Variants in SLC25A37 observed in about 807,000 individuals in gnomAD.
SLC25A37 encodes solute carrier family 25 member 37, also known as mitoferrin-1.
A neutral mutation model predicts 31.0 loss-of-function variants in SLC25A37; 17 were observed. The observed-to-expected ratio is 0.55, with a 90% confidence interval of 0.38 to 0.82. SLC25A37 has a LOEUF of 0.82. Ranked by LOEUF, SLC25A37 falls within the 40% of genes least tolerant of loss-of-function variation. The pLI is 0.00. For synonymous variants in SLC25A37, 222 were observed against 193.0 expected (o/e 1.15, Z -1.24); for missense variants, 404 against 465.8 (o/e 0.87, Z 1.22).
In SLC25A37 at chr8:23,529,345, G is replaced by A. The variant is rs1801614473; in HGVS notation, c.210+133G>A. The A allele has an allele frequency of 8.6e-6, 7 of 816,942 alleles. No homozygotes were observed. The highest frequency in any genetic ancestry group is 3.4e-5 in the East Asian group (1 of 29,432). 50.6% of individuals were successfully genotyped at this position (816,942 alleles called of 1,614,324 possible). On this transcript the variant is annotated intron_variant, in intron 1 of 3. Transcript: ENST00000519973. The surrounding 1 kb of genome is among the most constrained non-coding windows in gnomAD (Gnocchi z 4.1). ...CTCCCCAGGACCGCGGCTGGCCGGG[G>A]TCGCCCCAGGAGCAGCTGCGCGCAG...
At chr8:23,569,651 C>T (rs1006909909) in intron 3 of SLC25A37, among the ~76,000 whole-genome samples, 3 of 152,216 alleles carry the variant, frequency 2.0e-5, no homozygotes, top group African/African-American at 4.8e-5. Flanking sequence ...TTGTTTTAGC[C>T]ATCTCTTTCC....
In SLC25A37 at chr8:23,563,122, T is replaced by C. The variant is rs140054876; in HGVS notation, c.211-2986T>C. ...GTATTCTCTTGGTTCAGATACCTTC[T>C]TGGTTGGCACATTCACTTTCTCGTC... On this transcript the variant is annotated intron_variant, in intron 1 of 3. Coordinates refer to ENST00000519973, the MANE Select transcript of SLC25A37 (RefSeq NM_016612.4). Among the ~76,000 whole-genome samples, 613 of 152,358 alleles carry C rather than the reference T, an allele frequency of 4.0e-3. 5 individuals are homozygous for C. The highest frequency in any genetic ancestry group is 0.014 in the African/African-American group (584 of 41,584).
At chr8:23,571,219 G>T in intron 3 of SLC25A37, 116 bp from the exon 4 acceptor site, 1 of 1,282,026 alleles carries the variant, frequency 7.8e-7, no homozygotes, top group Non-Finnish European at 1.0e-6. Context: ...TGTTTCCGGT[G>T]TCTAACTGGC....
intron 1 of SLC25A37, among the ~76,000 whole-genome samples, chr8:23,559,646 T>A (rs1215378675): frequency 6.6e-6 from 1 of 152,144 alleles, no homozygotes; most frequent in East Asian, 1.9e-4. Flanking sequence ...ACAAGAACTC[T>A]CCGTCCTGTT....
At chr8:23,562,647 T>A (rs1051982118) in intron 1 of SLC25A37, among the ~76,000 whole-genome samples, 4 of 152,214 alleles carry the variant, frequency 2.6e-5, no homozygotes, top group African/African-American at 9.6e-5. Flanking sequence ...TGAATCACCG[T>A]CATGTAGCCC....
chr8:23,564,069 A>G lies in SLC25A37; in HGVS notation c.211-2039A>G, dbSNP rs549723603. On this transcript the variant is annotated intron_variant, in intron 1 of 3. Coordinates refer to ENST00000519973, the MANE Select transcript of SLC25A37 (RefSeq NM_016612.4). ...CTTCCTTACTTTTTTTTAAGCATTA[A>G]AAATGCCCTTTCTTTTACAAAATCA... 2.6e-5 allele frequency among the ~76,000 whole-genome samples: 4 copies of G among 152,240 alleles called. No individual in the cohort carries two copies. The East Asian group carries it at 7.7e-4, about 29-fold the overall frequency.
At chr8:23,555,827 T>C (rs1487044447) in intron 1 of SLC25A37, among the ~76,000 whole-genome samples, 3 of 152,194 alleles carry the variant, frequency 2.0e-5, no homozygotes, top group African/African-American at 7.2e-5. Context: ...ATGAATCCAC[T>C]TTCTCCCCCC....
At chr8:23,549,709 A>ACGTTTCT in intron 1 of SLC25A37, among the ~76,000 whole-genome samples, 1 of 141,094 alleles carries the variant, frequency 7.1e-6, no homozygotes, top group Admixed American at 6.8e-5. Context: ...GTGGTTAGTC[A>ACGTTTCT]CTATCAAGTT....
Position 23,572,514 on chromosome 8 carries a change from T to C in SLC25A37, c.*659T>C, listed in dbSNP as rs1028456261. 1 of 152,612 alleles carries C rather than the reference T, an allele frequency of 6.6e-6. No individual in the cohort carries two copies. The highest frequency in any genetic ancestry group is 1.5e-5 in the Non-Finnish European group (1 of 68,026). The allele number at this position is 152,612 out of a possible 1,614,324, so 9.5% of individuals were successfully genotyped here. A position where few individuals can be genotyped will look rare whatever the true frequency, so the allele number is the denominator to read the frequency against. ...TGTTTAGCCCCTCCAGATGGAAGTT[T>C]CACTTGAATGTAAAATAATAAAGTT... On this transcript the variant is annotated 3_prime_UTR_variant, in exon 4 of 4. Coordinates refer to ENST00000519973, the MANE Select transcript of SLC25A37 (RefSeq NM_016612.4).
chr8:23,538,884 G>A (rs1451970590), intron 1 of SLC25A37, among the ~76,000 whole-genome samples: 1 of 152,180 alleles, frequency 6.6e-6, no homozygotes, highest in African/African-American at 2.4e-5. Context: ...AGAGCCTACA[G>A]GGTAGCGTCA....
chr8:23,564,990 A>G (rs558312155), intron 1 of SLC25A37, among the ~76,000 whole-genome samples: 59 of 152,312 alleles, frequency 3.9e-4, no homozygotes, highest in Middle Eastern at 3.4e-3. Context: ...ATTGACCCAC[A>G]TGATTGTGGG....
chr8:23,558,187 G>A (rs1802418334), intron 1 of SLC25A37, among the ~76,000 whole-genome samples: 1 of 152,228 alleles, frequency 6.6e-6, no homozygotes, highest in Non-Finnish European at 1.5e-5. Flanking sequence ...AGAGGTGGGA[G>A]TTACAGGCTG....
intron 1 of SLC25A37, among the ~76,000 whole-genome samples, chr8:23,560,026 G>A (rs1308468642): frequency 1.3e-5 from 2 of 152,124 alleles, no homozygotes; most frequent in African/African-American, 4.8e-5. Context: ...TTAAAAAAGA[G>A]AGTACTTTGG....
Position 23,529,254 on chromosome 8 carries a change from G to A in SLC25A37, c.210+42G>A. On this transcript the variant is annotated intron_variant, in intron 1 of 3. Coordinates refer to ENST00000519973, the MANE Select transcript of SLC25A37 (RefSeq NM_016612.4). The surrounding 1 kb of genome is among the most constrained non-coding windows in gnomAD (Gnocchi z 4.1). ...CTTCGGGGACGCAACGAGCGGAGAA[G>A]GAGCGCGCGCGCGCATTTGCATCCC... 6.4e-7 allele frequency: 1 copy of A among 1,559,836 alleles called. No homozygotes were observed. Among genetic ancestry groups the A allele is most frequent in the Non-Finnish European group, 8.7e-7 (1 of 1,152,756 alleles).
At chr8:23,559,805 C>G (rs28720120) in intron 1 of SLC25A37, among the ~76,000 whole-genome samples, 6,471 of 152,268 alleles carry the variant, frequency 0.042, 456 homozygotes, top group African/African-American at 0.14. Flanking sequence ...CAAGAACTAT[C>G]TATGTTGTAG....
intron 1 of SLC25A37, among the ~76,000 whole-genome samples, chr8:23,545,558 T>C (rs2314685): frequency 0.37 from 56,857 of 152,156 alleles, 12,245 homozygotes; most frequent in East Asian, 0.62. Flanking sequence ...GTGTGTCCAC[T>C]GATTCCCTGG....
chr8:23,541,915 A>G (rs1413525921), intron 1 of SLC25A37: 1 of 152,242 alleles, frequency 6.6e-6, no homozygotes. Flanking sequence ...CTTTAACTGA[A>G]GAATCAAGAA....
At chr8:23,561,536 C>CT (rs1802515389) in intron 1 of SLC25A37, among the ~76,000 whole-genome samples, 1 of 152,204 alleles carries the variant, frequency 6.6e-6, no homozygotes, top group South Asian at 2.1e-4. Flanking sequence ...TGGCCATGCC[C>CT]TAAGGTTAAG....
At chr8:23,565,324 G>A (rs1268249253) in intron 1 of SLC25A37, among the ~76,000 whole-genome samples, 6 of 152,074 alleles carry the variant, frequency 3.9e-5, no homozygotes, top group African/African-American at 7.3e-5. Flanking sequence ...CTGTGCAAGC[G>A]CTTTTCCCTC....
Sources: allele counts gnomAD v4.1 joint callset (sites outside exome capture counted in the v4.1 genomes callset), GRCh38; gene constraint gnomAD v4.1.1; non-coding constraint Gnocchi (gnomAD v3.1); transcripts MANE v1.5; gene names NCBI Gene and HGNC (gene_info 2026-07-23, HGNC 2026-07-21).